Variants in NSUN4 observed in about 807,000 individuals in gnomAD.
NSUN4 encodes the protein 5-cytosine rRNA methyltransferase NSUN4.
A neutral mutation model predicts 43.8 loss-of-function variants in NSUN4; 31 were observed. The observed-to-expected ratio is 0.71, with a 90% confidence interval of 0.53 to 0.96. NSUN4 has a LOEUF of 0.96. Among genes scored for constraint, NSUN4 ranks in the 40% least tolerant of loss-of-function variants. The pLI, the probability that NSUN4 is intolerant of heterozygous loss-of-function variation, is 0.00. For synonymous variants in NSUN4, 167 were observed against 184.1 expected (o/e 0.91, Z 0.75); for missense variants, 439 against 475.6 (o/e 0.92, Z 0.72).
downstream of NSUN4, among the ~76,000 whole-genome samples, chr1:46,369,951 A>G (rs1664210310): frequency 6.6e-6 from 1 of 152,214 alleles, no homozygotes; most frequent in African/African-American, 2.4e-5. Context: ...AAGTTAAATA[A>G]CTGGCTCTAC....
intron 1 of NSUN4, chr1:46,341,181 G>C (rs1018224911): frequency 8.0e-7 from 1 of 1,246,634 alleles, no homozygotes; most frequent in African/African-American, 1.5e-5. Flanking sequence ...TTCTTTTAGT[G>C]ATGTCACTGT....
At chr1:46,343,378 G>A (rs1051049274) in intron 1 of NSUN4, 23 of 399,772 alleles carry the variant, frequency 5.8e-5, no homozygotes, top group Middle Eastern at 6.3e-4. Context: ...GTCCCCTGTG[G>A]CCTCCATATC....
Position 46,347,023 on chromosome 1 carries a change from A to T in NSUN4, c.540A>T (p.Leu180=), listed in dbSNP as rs1662557629. Residue 180 remains leucine (L), a synonymous_variant, in exon 3 of 6, where the codon CTA becomes CTT. Transcript: ENST00000474844. ...GLQPGDIVLD[L]CAAPGGKTLA... ...AGCCTGGGGACATCGTGCTTGACCT[A>T]TGTGCAGCTCCTGGGGGAAAGACAC... 1.2e-6 allele frequency: 2 copies of T among 1,614,118 alleles called. No individual in the cohort carries two copies. The highest frequency in any genetic ancestry group is 1.3e-5 in the African/African-American group (1 of 75,026).
At chr1:46,344,717 C>G in intron 1 of NSUN4, 84 bp from the exon 2 acceptor site, 1 of 1,221,474 alleles carries the variant, frequency 8.2e-7, no homozygotes, top group Non-Finnish European at 1.2e-6. Flanking sequence ...TCCAAGTTTG[C>G]CCCTAGGCTC....
chr1:46,373,295 T>G, the NSUN4 span, among the ~76,000 whole-genome samples: 1 of 152,228 alleles, frequency 6.6e-6, no homozygotes, highest in African/African-American at 2.4e-5. Flanking sequence ...CTGCCCATTA[T>G]CCAGTTTCAA....
the NSUN4 span, among the ~76,000 whole-genome samples, chr1:46,379,466 T>C: frequency 1.3e-5 from 2 of 152,044 alleles, no homozygotes; most frequent in South Asian, 4.1e-4. Flanking sequence ...AATATGAAAA[T>C]TAGCTGGGCG....
chr1:46,360,686 C>G lies in NSUN4; in HGVS notation c.754-18C>G. Reference sequence around the variant, plus strand: ...CTATAAGGATCTTTAATACTTTACCCTTTAACACTCTGGGTAGGTGCTGGT... The same window carrying G: ...CTATAAGGATCTTTAATACTTTACCGTTTAACACTCTGGGTAGGTGCTGGT... On this transcript the variant is annotated intron_variant, in intron 4 of 5. Transcript: ENST00000474844. 6.2e-7 allele frequency: 1 copy of G among 1,613,162 alleles called. No individual in the cohort carries two copies. Among genetic ancestry groups the G allele is most frequent in the Non-Finnish European group, 8.5e-7 (1 of 1,179,382 alleles).
intron 4 of NSUN4, among the ~76,000 whole-genome samples, chr1:46,360,252 ATATAT>A (rs1557744458): frequency 1.4e-4 from 4 of 28,346 alleles, no homozygotes; most frequent in South Asian, 2.0e-3. Context: ...AAAAAAAAAT[ATATAT>A]ATATATATAT....
At chr1:46,381,689 A>G in the NSUN4 span, among the ~76,000 whole-genome samples, 1 of 152,202 alleles carries the variant, frequency 6.6e-6, no homozygotes, top group African/African-American at 2.4e-5. Flanking sequence ...GAGGGTCTGG[A>G]AAAATGCTTC....
At chr1:46,352,779 T>C in intron 3 of NSUN4, 89 bp from the exon 4 acceptor site, 1 of 1,269,210 alleles carries the variant, frequency 7.9e-7, no homozygotes, top group Non-Finnish European at 1.1e-6. Flanking sequence ...TGGCTGGGAC[T>C]ACCTGAGAAT....
At chr1:46,353,498 C>T (rs1427039866) in intron 4 of NSUN4, among the ~76,000 whole-genome samples, 2 of 151,064 alleles carry the variant, frequency 1.3e-5, no homozygotes, top group East Asian at 1.9e-4. Context: ...TTTTTTGAGA[C>T]GGAGTTTCGC....
the NSUN4 span, among the ~76,000 whole-genome samples, chr1:46,374,996 AT>A: frequency 6.6e-6 from 1 of 152,210 alleles, no homozygotes; most frequent in African/African-American, 2.4e-5. Flanking sequence ...TCAAAACAAT[AT>A]TTGCACACCA....
the NSUN4 span, among the ~76,000 whole-genome samples, chr1:46,378,122 C>T: frequency 6.6e-6 from 1 of 151,982 alleles, no homozygotes; most frequent in South Asian, 2.1e-4. Context: ...TGGTCTCGAA[C>T]TCCTGAGCTC....
chr1:46,364,545 G>A lies in NSUN4; in HGVS notation c.*2699G>A, dbSNP rs2148426722. 1 of 152,316 alleles carries A rather than the reference G, an allele frequency of 6.6e-6. No individual in the cohort carries two copies. Among genetic ancestry groups the A allele is most frequent in the South Asian group, 2.1e-4 (1 of 4,834 alleles). 9.4% of individuals were successfully genotyped at this position (152,316 alleles called of 1,614,324 possible). A position where few individuals can be genotyped will look rare whatever the true frequency, so the allele number is the denominator to read the frequency against. ...AGTACAAAAGGGCATGATGGCAGGT[G>A]CCTGTAATCTCAGCTACTCAGTAGG... On this transcript the variant is annotated 3_prime_UTR_variant, in exon 6 of 6. Coordinates refer to ENST00000474844, the MANE Select transcript of NSUN4 (RefSeq NM_199044.4).
chr1:46,343,849 C>A, intron 1 of NSUN4: 1 of 400,798 alleles, frequency 2.5e-6, no homozygotes, highest in South Asian at 1.3e-4. Flanking sequence ...TGGCAAAGGT[C>A]AAGGCCAGAG....
intron 4 of NSUN4, among the ~76,000 whole-genome samples, chr1:46,359,736 C>T (rs760777820): frequency 6.8e-6 from 1 of 147,508 alleles, no homozygotes; most frequent in Non-Finnish European, 1.5e-5. Flanking sequence ...TTTTTTGTAG[C>T]TGGGACTACA....
At chr1:46,344,682 A>G in intron 1 of NSUN4, 119 bp from the exon 2 acceptor site, 1 of 826,070 alleles carries the variant, frequency 1.2e-6, no homozygotes, top group Non-Finnish European at 2.0e-6. Flanking sequence ...GCAGGATGCA[A>G]AAGCAGGAGT....
chr1:46,341,769 G>A, intron 1 of NSUN4: 1 of 1,231,944 alleles, frequency 8.1e-7, no homozygotes, highest in Non-Finnish European at 1.0e-6. Flanking sequence ...CCCTTATTTT[G>A]AGCAGTTCAG....
chr1:46,360,186 G>A (rs1205725139), intron 4 of NSUN4, among the ~76,000 whole-genome samples: 11 of 128,340 alleles, frequency 8.6e-5, no homozygotes, highest in Admixed American at 1.8e-4. Context: ...CCGAGATTGC[G>A]CCACTGCACT....
Sources: gnomAD v4.1 joint callset for allele counts (sites outside exome capture counted in the v4.1 genomes callset) on GRCh38, gnomAD v4.1.1 for gene constraint, MANE v1.5 for transcripts, NCBI Gene and HGNC (gene_info 2026-07-23, HGNC 2026-07-21) for gene names.